Variants in CDH10 observed in about 807,000 individuals in gnomAD.
The protein encoded by CDH10 is cadherin-10.
Under a neutral mutation model 73.1 loss-of-function variants are expected in CDH10, and 30 were observed. That is an observed-to-expected ratio of 0.41 (90% CI 0.31 to 0.56). The LOEUF is 0.56. CDH10 is among the 20% of genes least tolerant of loss of function. The pLI, the probability that CDH10 is intolerant of heterozygous loss-of-function variation, is 0.27. For missense variants in CDH10, 815 were observed against 973.7 expected, an observed-to-expected ratio of 0.84 and a Z score of 2.17; for synonymous variants, 345 against 348.2, an observed-to-expected ratio of 0.99 and a Z score of 0.10.
At chr5:24,604,520 C>T (rs1187079988) in intron 1 of CDH10, among the ~76,000 whole-genome samples, 1 of 152,048 alleles carries the variant, frequency 6.6e-6, no homozygotes, top group Admixed American at 6.6e-5. Flanking sequence ...TGACAAATTG[C>T]ATTTGATGAA....
chr5:24,626,701 G>A (rs1014646566), intron 1 of CDH10, among the ~76,000 whole-genome samples: 1 of 151,674 alleles, frequency 6.6e-6, no homozygotes, highest in Non-Finnish European at 1.5e-5. Context: ...TTAAATCTGG[G>A]AAGCAGAGGG....
chr5:24,624,309 T>C (rs1373163185), intron 1 of CDH10, among the ~76,000 whole-genome samples: 1 of 152,104 alleles, frequency 6.6e-6, no homozygotes, highest in African/African-American at 2.4e-5. Context: ...TTTCATCTAT[T>C]TTATATATGG....
At chr5:24,546,447 A>G (rs537407822) in intron 2 of CDH10, among the ~76,000 whole-genome samples, 7 of 152,112 alleles carry the variant, frequency 4.6e-5, no homozygotes, top group Non-Finnish European at 1.0e-4. Flanking sequence ...AAACATATCA[A>G]TGTCATGACT....
At chr5:24,517,205 C>T (rs554448912) in intron 5 of CDH10, among the ~76,000 whole-genome samples, 16 of 152,134 alleles carry the variant, frequency 1.1e-4, no homozygotes, top group Admixed American at 1.0e-3. Flanking sequence ...ATTATGCATG[C>T]TTTTTGTAAA....
At chr5:24,513,611 C>A (rs1742999927) in intron 5 of CDH10, among the ~76,000 whole-genome samples, 1 of 152,148 alleles carries the variant, frequency 6.6e-6, no homozygotes, top group Admixed American at 6.5e-5. Flanking sequence ...TATACATACG[C>A]TACATGTTGG....
chr5:24,634,796 T>C (rs1747814706), intron 1 of CDH10, among the ~76,000 whole-genome samples: 1 of 151,698 alleles, frequency 6.6e-6, no homozygotes, highest in African/African-American at 2.4e-5. Flanking sequence ...ATAAATAATA[T>C]ATTAATTATC....
intron 2 of CDH10, among the ~76,000 whole-genome samples, chr5:24,570,720 A>G (rs1468457780): frequency 6.6e-6 from 1 of 152,108 alleles, no homozygotes; most frequent in Non-Finnish European, 1.5e-5. Flanking sequence ...TCAAATCTTT[A>G]AAACTGTCTG....
rs1337405081 is a variant in CDH10, at chr5:24,563,431, A to T, written c.232-25757T>A. The stretch of plus-strand genomic sequence containing the variant: ...GATTTACATTTTCCCTTCATAATTA[A>T]TACATCTTTTATAGAAGCTTAAAAA... On this transcript the variant is annotated intron_variant, in intron 2 of 11. Coordinates refer to ENST00000264463, the MANE Select transcript of CDH10 (RefSeq NM_006727.5). 5.1e-5 allele frequency among the ~76,000 whole-genome samples: 7 copies of T among 137,360 alleles called. No homozygotes were observed. In the South Asian group the frequency reaches 1.7e-3, roughly 34 times the overall value. 90.1% of individuals were successfully genotyped at this position (137,360 alleles called of 152,430 possible).
At chr5:24,530,036 T>TG (rs1182299290) in intron 5 of CDH10, among the ~76,000 whole-genome samples, 1 of 149,098 alleles carries the variant, frequency 6.7e-6, no homozygotes, top group Non-Finnish European at 1.5e-5. Context: ...TTTTTTTTTT[T>TG]GAACTAGTGT....
At chr5:24,636,481 A>G (rs183803698) in intron 1 of CDH10, among the ~76,000 whole-genome samples, 21 of 152,064 alleles carry the variant, frequency 1.4e-4, no homozygotes, top group African/African-American at 5.1e-4. Flanking sequence ...ACAAAAACAG[A>G]CTATTATATA....
At chr5:24,599,947 T>A (rs1004378565) in intron 1 of CDH10, among the ~76,000 whole-genome samples, 10 of 152,080 alleles carry the variant, frequency 6.6e-5, no homozygotes, top group Non-Finnish European at 1.0e-4. Context: ...AAAAGGATTA[T>A]CTCCTAAATT....
intron 1 of CDH10, chr5:24,612,822 T>G (rs373104242): frequency 6.6e-6 from 1 of 152,200 alleles, no homozygotes; most frequent in Admixed American, 6.5e-5. Flanking sequence ...ACTTTTGAAA[T>G]GTAAGGCAGT....
intron 2 of CDH10, among the ~76,000 whole-genome samples, chr5:24,574,839 GA>G (rs372892635): frequency 1.1e-5 from 1 of 87,352 alleles, no homozygotes; most frequent in Non-Finnish European, 3.2e-5. Flanking sequence ...AAGATGATAG[GA>G]AAAAAAAACC....
chr5:24,508,053 G>A lies in CDH10; in HGVS notation c.1256+1513C>T, dbSNP rs950410581. On this transcript the variant is annotated intron_variant, in intron 7 of 11. Transcript: ENST00000264463. ...ATAAAATTAGAAGTTTCCTGCATGC[G>A]CTGTGGCATATGTAGGAGAAAGGTA... 3.3e-5 allele frequency among the ~76,000 whole-genome samples: 5 copies of A among 152,236 alleles called. No homozygotes were observed. The East Asian group carries it at 7.7e-4, about 24-fold the overall frequency.
intron 1 of CDH10, among the ~76,000 whole-genome samples, chr5:24,643,950 C>G (rs1413893367): frequency 6.6e-6 from 1 of 152,060 alleles, no homozygotes; most frequent in Non-Finnish European, 1.5e-5. Context: ...ATTTACTCTC[C>G]CTCTCTTTAC....
chr5:24,545,101 G>A (rs1744293393), intron 2 of CDH10, among the ~76,000 whole-genome samples: 1 of 152,140 alleles, frequency 6.6e-6, no homozygotes, highest in Non-Finnish European at 1.5e-5. Flanking sequence ...CACTTGTAAA[G>A]AGAGTTATTG....
intron 9 of CDH10, among the ~76,000 whole-genome samples, chr5:24,495,752 CAGGAGAATCACT>C (rs1249904020): frequency 6.6e-6 from 1 of 151,138 alleles, no homozygotes; most frequent in East Asian, 2.0e-4. Flanking sequence ...GAGGCTGAGG[CAGGAGAATCACT>C]TGAACCGAAC....
intron 1 of CDH10, among the ~76,000 whole-genome samples, chr5:24,614,353 A>G (rs943992495): frequency 6.6e-6 from 1 of 152,220 alleles, no homozygotes; most frequent in Non-Finnish European, 1.5e-5. Flanking sequence ...AAAACCATAC[A>G]TAAATAGAAA....
chr5:24,584,031 C>A (rs1381377142), intron 2 of CDH10, among the ~76,000 whole-genome samples: 1 of 152,148 alleles, frequency 6.6e-6, no homozygotes, highest in Non-Finnish European at 1.5e-5. Flanking sequence ...ATTTTTACAA[C>A]TTTCTTGATT....
Sources: allele counts gnomAD v4.1 joint callset (sites outside exome capture counted in the v4.1 genomes callset), GRCh38; gene constraint gnomAD v4.1.1; transcripts MANE v1.5; gene names NCBI Gene and HGNC (gene_info 2026-07-23, HGNC 2026-07-21).